IGFL2: variants seen among roughly 807,000 people sequenced by gnomAD.
IGFL2 encodes the protein IGF like family member 2.
In IGFL2, 7 loss-of-function variants were observed where a neutral mutation model predicts 13.9. The ratio of observed to expected loss-of-function variants is 0.51; its 90% confidence interval spans 0.29 to 0.95. The LOEUF is 0.95. IGFL2 is among the 40% of genes least tolerant of loss of function. The probability of loss-of-function intolerance (pLI) is 0.08; values close to 1 mark genes in which losing one functional copy is unlikely to be tolerated. For synonymous variants in IGFL2, 55 were observed against 55.8 expected, an observed-to-expected ratio of 0.99 and a Z score of 0.07; for missense variants, 138 against 147.8, an observed-to-expected ratio of 0.93 and a Z score of 0.34.
At chr19:46,110,874 A>G in the IGFL2 span, among the ~76,000 whole-genome samples, 2 of 152,236 alleles carry the variant, frequency 1.3e-5, no homozygotes, top group Admixed American at 1.3e-4. Context: ...TATTTTACTT[A>G]TACAATTAAT....
the IGFL2 span, chr19:46,124,792 C>T: frequency 1.9e-5 from 14 of 727,324 alleles, 1 homozygote; most frequent in African/African-American, 3.6e-5. Flanking sequence ...GTCTCCCAAG[C>T]ACATTCCTTG....
the IGFL2 span, among the ~76,000 whole-genome samples, chr19:46,179,238 G>A: frequency 2.0e-5 from 3 of 151,326 alleles, no homozygotes; most frequent in African/African-American, 7.3e-5. Flanking sequence ...TGGGGAGTCT[G>A]TGAGAGGCAG....
upstream of IGFL2, among the ~76,000 whole-genome samples, chr19:46,142,629 T>C (rs910923253): frequency 3.3e-5 from 5 of 152,220 alleles, no homozygotes; most frequent in African/African-American, 1.2e-4. Context: ...AATTGGACTT[T>C]AGTAGGCAGC....
chr19:46,186,668 A>G, the IGFL2 span, among the ~76,000 whole-genome samples: 1 of 152,234 alleles, frequency 6.6e-6, no homozygotes, highest in Non-Finnish European at 1.5e-5. Context: ...CTTCCAGAAG[A>G]TATTACAAGA....
chr19:46,122,594 TAATA>T, the IGFL2 span, among the ~76,000 whole-genome samples: 1 of 151,130 alleles, frequency 6.6e-6, no homozygotes. Flanking sequence ...GAAAAGAGTT[TAATA>T]AAGAACATCC....
At chr19:46,089,034 T>C in the IGFL2 span, among the ~76,000 whole-genome samples, 1 of 152,216 alleles carries the variant, frequency 6.6e-6, no homozygotes, top group Non-Finnish European at 1.5e-5. Context: ...TTGTTTATTG[T>C]TTTATAGATC....
the IGFL2 span, chr19:46,113,043 A>G: frequency 2.6e-5 from 4 of 152,242 alleles, no homozygotes; most frequent in African/African-American, 9.6e-5. Context: ...GGGTGCACCC[A>G]TAGGAGAAAA....
the IGFL2 span, among the ~76,000 whole-genome samples, chr19:46,110,471 A>G: frequency 6.6e-6 from 1 of 152,244 alleles, no homozygotes; most frequent in African/African-American, 2.4e-5. Context: ...AAAAACTAAT[A>G]TTATACTTTC....
upstream of IGFL2, among the ~76,000 whole-genome samples, chr19:46,146,317 C>T (rs1251269007): frequency 1.3e-5 from 2 of 152,132 alleles, no homozygotes; most frequent in African/African-American, 4.8e-5. Flanking sequence ...ATGTGTCTAT[C>T]CATGTCTATC....
intron 1 of IGFL2, 21 bp from the exon 2 acceptor site, chr19:46,160,394 C>A (rs1568433333): frequency 1.2e-6 from 2 of 1,609,034 alleles, no homozygotes; most frequent in Non-Finnish European, 1.7e-6. Flanking sequence ...CCATCCTTAA[C>A]CTCCTTTCTT....
chr19:46,095,474 GT>G, the IGFL2 span, among the ~76,000 whole-genome samples: 155 of 152,252 alleles, frequency 1.0e-3, no homozygotes, highest in African/African-American at 3.5e-3. Flanking sequence ...CATTCTGCAG[GT>G]TGTCTGTTCA....
At chr19:46,186,080 T>G in the IGFL2 span, among the ~76,000 whole-genome samples, 4 of 152,130 alleles carry the variant, frequency 2.6e-5, no homozygotes, top group Non-Finnish European at 5.9e-5. Flanking sequence ...AGCCAGGAAG[T>G]CTCGAGGTGA....
the IGFL2 span, among the ~76,000 whole-genome samples, chr19:46,082,279 C>A: frequency 6.6e-6 from 1 of 152,174 alleles, no homozygotes; most frequent in Non-Finnish European, 1.5e-5. Flanking sequence ...TTAAACTCTC[C>A]TGGGTTCCTA....
the IGFL2 span, chr19:46,137,334 T>C: frequency 9.1e-7 from 1 of 1,096,410 alleles, no homozygotes; most frequent in Non-Finnish European, 1.4e-6. Context: ...CTGAGAAGCT[T>C]GTGGCGGGCG....
the IGFL2 span, among the ~76,000 whole-genome samples, chr19:46,130,283 G>A: frequency 2.2e-4 from 33 of 152,094 alleles, 1 homozygote; most frequent in South Asian, 6.2e-3. Context: ...CAGTTTCAAG[G>A]GTTCAGGTTC....
the IGFL2 span, among the ~76,000 whole-genome samples, chr19:46,088,279 T>G: frequency 1.3e-5 from 2 of 152,364 alleles, no homozygotes; most frequent in East Asian, 3.9e-4. Flanking sequence ...GTCAGCTGTG[T>G]TAAAGTCTTT....
At chr19:46,112,758 T>G in the IGFL2 span, among the ~76,000 whole-genome samples, 1 of 152,188 alleles carries the variant, frequency 6.6e-6, no homozygotes, top group Non-Finnish European at 1.5e-5. Context: ...TGAAAGTGAT[T>G]TGGAAGAATC....
At chr19:46,209,477 A>G in the IGFL2 span, 6 of 152,198 alleles carry the variant, frequency 3.9e-5, no homozygotes, top group African/African-American at 1.4e-4. Flanking sequence ...CAGGCTGTCA[A>G]CAGCATCAGC....
intron 1 of IGFL2, among the ~76,000 whole-genome samples, chr19:46,153,185 T>G (rs1973603763): frequency 6.6e-6 from 1 of 152,240 alleles, no homozygotes; most frequent in African/African-American, 2.4e-5. Context: ...GGCCTCAGAA[T>G]AGACTGGAAA....
Sources: allele counts gnomAD v4.1 joint callset (sites outside exome capture counted in the v4.1 genomes callset), GRCh38; gene constraint gnomAD v4.1.1; transcripts MANE v1.5; gene names NCBI Gene and HGNC (gene_info 2026-07-23, HGNC 2026-07-21).